Variants in DMAC2L observed in about 807,000 individuals in gnomAD.
The protein encoded by DMAC2L is ATP synthase subunit s, mitochondrial.
DMAC2L carries 21 observed loss-of-function variants against 22.5 expected under a neutral mutation model. The ratio of observed to expected loss-of-function variants is 0.93; its 90% CI spans 0.66 to 1.34. DMAC2L has a LOEUF of 1.34. Ranked by LOEUF, DMAC2L falls within the 40% of genes most tolerant of loss-of-function variation. The pLI, the probability that DMAC2L is intolerant of heterozygous loss-of-function variation, is 0.00. For missense variants in DMAC2L, 239 were observed against 246.5 expected, an observed-to-expected ratio of 0.97 and a Z score of 0.20; for synonymous variants, 86 against 89.5, an observed-to-expected ratio of 0.96 and a Z score of 0.22.
At chr14:50,311,553 T>C (rs1203320088), upstream of DMAC2L, 9 of 444,534 alleles carry the variant, frequency 2.0e-5, no homozygotes, top group Non-Finnish European at 2.7e-5. Context: ...GGCAACACTA[T>C]GCGGGGTGTG....
chr14:50,312,791 C>T (rs2031366439), intron 1 of DMAC2L: 1 of 542,524 alleles, frequency 1.8e-6, no homozygotes, highest in Non-Finnish European at 3.3e-6. Context: ...TCGCTCCTCA[C>T]GGAGGCTCTT....
intron 1 of DMAC2L, 29 bp downstream of exon 1, chr14:50,312,418 G>A: frequency 1.8e-6 from 1 of 550,878 alleles, no homozygotes; most frequent in Non-Finnish European, 3.3e-6. Flanking sequence ...CCCCGAGCCG[G>A]GCGGGACTAG....
At chr14:50,317,919 C>T (rs527619259) in intron 2 of DMAC2L, among the ~76,000 whole-genome samples, 2 of 152,214 alleles carry the variant, frequency 1.3e-5, no homozygotes, top group South Asian at 4.2e-4. Flanking sequence ...AGGTATGTCC[C>T]TTGTATGCCA....
At chr14:50,312,412 G>A (rs372391809) in intron 1 of DMAC2L, 23 bp downstream of exon 1, 3 of 531,918 alleles carry the variant, frequency 5.6e-6, no homozygotes, top group African/African-American at 4.0e-5. Context: ...GCTAGGCCCC[G>A]AGCCGGGCGG....
upstream of DMAC2L, among the ~76,000 whole-genome samples, chr14:50,311,850 T>G (rs920451658): frequency 2.6e-5 from 4 of 152,208 alleles, no homozygotes; most frequent in Non-Finnish European, 5.9e-5. Flanking sequence ...CGAATGAACC[T>G]GCAGGTTGGT....
chr14:50,312,815 ACTGACAGCCCGCAGT>A (rs2031369529), intron 1 of DMAC2L: 1 of 579,816 alleles, frequency 1.7e-6, no homozygotes, highest in South Asian at 2.1e-5. Flanking sequence ...CACAGCGAAG[ACTGACAGCCCGCAGT>A]CTTCTGGACT....
rs1282481938 is a variant in DMAC2L, at chr14:50,324,003, CTGTT to C, written c.378_381del (p.Leu127Ter). On this transcript the variant is annotated frameshift_variant, in exon 5 of 6. Coordinates refer to ENST00000557421, the MANE Select transcript of DMAC2L (RefSeq NM_001382507.1). LOFTEE classifies it high-confidence loss of function. Reference sequence around the variant, plus strand: ...GCAAGTGTCATTATATCGAGGATGACTGTTTGCTGAGACTTAGTCAACTTGAAAA... The same window carrying C: ...GCAAGTGTCATTATATCGAGGATGACTGCTGAGACTTAGTCAACTTGAAAA... The C allele has an allele frequency of 1.2e-6, 2 of 1,613,962 alleles. No homozygotes were observed. Among genetic ancestry groups the C allele is most frequent in the East Asian group, 2.2e-5 (1 of 44,850 alleles).
upstream of DMAC2L, chr14:50,311,964 G>A (rs1806924501): frequency 6.5e-7 from 1 of 1,540,892 alleles, no homozygotes; most frequent in African/African-American, 1.4e-5. Flanking sequence ...AGGTGCCTCC[G>A]CGAGGGGCAG....
At chr14:50,321,368 G>A (rs960651612) in intron 2 of DMAC2L, 115 bp from the exon 3 acceptor site, 3 of 1,412,746 alleles carry the variant, frequency 2.1e-6, no homozygotes, top group Non-Finnish European at 2.8e-6. Context: ...AGTAATTGTT[G>A]AGTGGCAAGT....
intron 2 of DMAC2L, chr14:50,318,934 C>G (rs1237500445): frequency 4.2e-6 from 3 of 720,270 alleles, no homozygotes; most frequent in Non-Finnish European, 5.1e-6. Flanking sequence ...GTCTCTTTCT[C>G]CTTTGTTCTT....
Position 50,322,668 on chromosome 14 carries a change from GCGA to G in DMAC2L, c.266_268del (p.Ala89_Ile90delinsVal). On this transcript the variant is annotated inframe_deletion, in exon 4 of 6. Transcript: ENST00000557421. Reference sequence around the variant, plus strand: ...CCCTCTGGACAAATACAAGATTCAGGCGATCGACGCCACCGACTCTTGTATCAT... The same window carrying G: ...CCCTCTGGACAAATACAAGATTCAGGTCGACGCCACCGACTCTTGTATCAT... The G allele has an allele frequency of 6.2e-7, 1 of 1,614,102 alleles. No homozygotes were observed. The highest frequency in any genetic ancestry group is 8.5e-7 in the Non-Finnish European group (1 of 1,180,018).
Position 50,312,354 on chromosome 14 carries a change from C to G in DMAC2L, c.-77C>G, listed in dbSNP as rs2031292705. ...GGCCAGGGTGCCGCAGACGCGGGGA[C>G]GCTGGCTCGCTCCCTCCCTCCCTCC... On this transcript the variant is annotated 5_prime_UTR_variant, in exon 1 of 6. Transcript: ENST00000557421. The G allele has an allele frequency of 6.0e-6, 4 of 671,970 alleles. No homozygotes were observed. The highest frequency in any genetic ancestry group is 5.5e-5 in the East Asian group (2 of 36,188). 41.6% of individuals were successfully genotyped at this position (671,970 alleles called of 1,614,324 possible).
chr14:50,319,674 A>T (rs1018480870), intron 2 of DMAC2L, among the ~76,000 whole-genome samples: 2 of 152,204 alleles, frequency 1.3e-5, no homozygotes, highest in Non-Finnish European at 2.9e-5. Context: ...TACAGCTCTA[A>T]TGTTTTGTGA....
chr14:50,326,371 C>T lies in DMAC2L; in HGVS notation c.*648C>T. On this transcript the variant is annotated 3_prime_UTR_variant, in exon 6 of 6. Transcript: ENST00000557421. Reference sequence around the variant, plus strand: ...TGTACAACAGATGTTTTTATTATAACAGTAATTTACATTTAACTTTAAAGT... The same window carrying T: ...TGTACAACAGATGTTTTTATTATAATAGTAATTTACATTTAACTTTAAAGT... The T allele has an allele frequency of 2.2e-6, 2 of 890,266 alleles. No individual in the cohort carries two copies. The highest frequency in any genetic ancestry group is 2.7e-6 in the Non-Finnish European group (2 of 743,488). The allele number at this position is 890,266 out of a possible 1,614,324, so 55.1% of individuals were successfully genotyped here. A position where few individuals can be genotyped will look rare whatever the true frequency, so the allele number is the denominator to read the frequency against.
chr14:50,311,719 G>A (rs1421947322), upstream of DMAC2L, among the ~76,000 whole-genome samples: 1 of 152,200 alleles, frequency 6.6e-6, no homozygotes, highest in Non-Finnish European at 1.5e-5. Flanking sequence ...TCACAACTGA[G>A]CCTTTAAGGA....
Position 50,324,004 on chromosome 14 carries a change from T to TTA in DMAC2L, c.376_377insTA (p.Cys126LeufsTer4). On this transcript the variant is annotated frameshift_variant, in exon 5 of 6. Coordinates refer to ENST00000557421, the MANE Select transcript of DMAC2L (RefSeq NM_001382507.1). LOFTEE classifies it high-confidence loss of function. ...CAAGTGTCATTATATCGAGGATGAC[T>TTA]GTTTGCTGAGACTTAGTCAACTTGA... is the stretch of plus-strand genomic sequence containing the variant. 6.2e-7 allele frequency: 1 copy of TTA among 1,614,132 alleles called. No individual in the cohort carries two copies. The highest frequency in any genetic ancestry group is 8.5e-7 in the Non-Finnish European group (1 of 1,180,002).
intron 2 of DMAC2L, among the ~76,000 whole-genome samples, chr14:50,319,455 G>T (rs1201207690): frequency 1.3e-5 from 2 of 152,122 alleles, no homozygotes; most frequent in Non-Finnish European, 2.9e-5. Context: ...TTGAGGAAAG[G>T]ACCCTGGGCT....
chr14:50,323,840 G>A (rs1405394642), intron 4 of DMAC2L, 105 bp from the exon 5 acceptor site: 2 of 910,342 alleles, frequency 2.2e-6, no homozygotes, highest in African/African-American at 1.7e-5. Context: ...GGTTTCCCAG[G>A]ACATAGGACT....
intron 2 of DMAC2L, chr14:50,319,437 T>C: frequency 1.5e-6 from 2 of 1,346,338 alleles, no homozygotes; most frequent in Admixed American, 2.4e-5. Context: ...TCCAGAACCA[T>C]GTAATGATTG....
Sources: allele counts gnomAD v4.1 joint callset (sites outside exome capture counted in the v4.1 genomes callset), GRCh38; gene constraint gnomAD v4.1.1; transcripts MANE v1.5; gene names NCBI Gene and HGNC (gene_info 2026-07-23, HGNC 2026-07-21).